Variants in IL16 observed in about 807,000 individuals in gnomAD.
The protein encoded by IL16 is interleukin 16, also known as pro-interleukin-16.
Under a neutral mutation model 110.1 loss-of-function variants are expected in IL16, and 67 were observed. That is an observed-to-expected ratio of 0.61 (90% CI 0.50 to 0.75). The LOEUF is 0.75. Among genes scored for constraint, IL16 ranks in the 30% least tolerant of loss-of-function variants. IL16 has a pLI of 0.00. For missense variants in IL16, 1,545 were observed against 1,655.0 expected (o/e 0.93, Z 1.15); for synonymous variants, 689 against 662.9 (o/e 1.04, Z -0.61).
intron 9 of IL16, among the ~76,000 whole-genome samples, chr15:81,285,080 CT>C (rs1210154649): frequency 0.012 from 1,718 of 145,392 alleles, 14 homozygotes; most frequent in Middle Eastern, 0.014. Flanking sequence ...TGTTTCCTAC[CT>C]TTTTTTTTTT....
At chr15:81,271,292 TAATAA>T (rs1280976765) in intron 5 of IL16, among the ~76,000 whole-genome samples, 30 of 150,214 alleles carry the variant, frequency 2.0e-4, no homozygotes, top group African/African-American at 7.1e-4. Flanking sequence ...TAAAATAAAA[TAATAA>T]AATAAATAAA....
chr15:81,299,469 G>C lies in IL16; in HGVS notation c.2143G>C (p.Val715Leu), dbSNP rs1900152682. The C allele has an allele frequency of 6.2e-7, 1 of 1,614,070 alleles. No individual in the cohort carries two copies. The highest frequency in any genetic ancestry group is 8.5e-7 in the Non-Finnish European group (1 of 1,180,044). ...SFDTTAEDPW[V>L]RISDCIKNLF... is the part of the protein sequence containing the mutation. Reference sequence around the variant, plus strand: ...TGATACCACAGCCGAAGACCCTTGGGTTAGGATTTCTGACTGCATCAAAAA... The same window carrying C: ...TGATACCACAGCCGAAGACCCTTGGCTTAGGATTTCTGACTGCATCAAAAA... Residue 715 changes from valine to leucine, a missense_variant, in exon 14 of 19, where the codon GTT (valine) becomes CTT (leucine). Around this residue, in one of 3 missense-constraint regions of IL16, gnomAD observed 1,185 missense variants for 1,238.8 expected, o/e 0.96. Coordinates refer to ENST00000683961, the MANE Select transcript of IL16 (RefSeq NM_172217.5).
chr15:81,295,236 C>A, intron 12 of IL16: 1 of 339,380 alleles, frequency 2.9e-6, no homozygotes, highest in Non-Finnish European at 4.6e-6. Flanking sequence ...CTCTCTCCCT[C>A]TTTCCTTCTT....
At chr15:81,286,439 G>A (rs573173722) in intron 10 of IL16, among the ~76,000 whole-genome samples, 47 of 152,350 alleles carry the variant, frequency 3.1e-4, no homozygotes, top group African/African-American at 9.9e-4. Flanking sequence ...CATGGAAGGA[G>A]AGGAGTGGGT....
intron 5 of IL16, among the ~76,000 whole-genome samples, chr15:81,272,642 A>G (rs954035550): frequency 2.0e-5 from 3 of 152,098 alleles, no homozygotes; most frequent in Non-Finnish European, 4.4e-5. Context: ...TATTATTACT[A>G]TTGTTGGTAT....
chr15:81,278,712 A>G (rs998158818), intron 6 of IL16, 105 bp from the exon 7 acceptor site: 2 of 796,514 alleles, frequency 2.5e-6, no homozygotes, highest in African/African-American at 1.7e-5. Flanking sequence ...AGCTTCGTGC[A>G]TCATACAAAA....
chr15:81,270,962 C>T (rs181110781), intron 5 of IL16, among the ~76,000 whole-genome samples: 1 of 152,194 alleles, frequency 6.6e-6, no homozygotes, highest in East Asian at 1.9e-4. Context: ...TGACAAGTAG[C>T]AGTGAAGCAG....
intron 3 of IL16, among the ~76,000 whole-genome samples, chr15:81,262,761 G>A (rs573218333): frequency 9.9e-5 from 15 of 152,184 alleles, no homozygotes; most frequent in African/African-American, 3.6e-4. Context: ...GAGAAACCCT[G>A]TCTCTACTAA....
intron 5 of IL16, among the ~76,000 whole-genome samples, chr15:81,271,297 A>G (rs1015532194): frequency 6.6e-6 from 1 of 150,438 alleles, no homozygotes; most frequent in Non-Finnish European, 1.5e-5. Context: ...TAAAATAATA[A>G]AATAAATAAA....
Position 81,292,662 on chromosome 15 carries a change from C to T in IL16, c.1527C>T (p.Arg509=), listed in dbSNP as rs749364955. The T allele has an allele frequency of 6.2e-7, 1 of 1,614,144 alleles. No individual in the cohort carries two copies. The highest frequency in any genetic ancestry group is 1.7e-5 in the Admixed American group (1 of 60,024). ...PHRRAQKVMI[R]SSSDSSYMSG... ...GCAGGGCTCAGAAGGTCATGATCCGCTCCAGCAGTGACAGCAGCTACATGT... is the reference window on the plus strand; with the variant it reads ...GCAGGGCTCAGAAGGTCATGATCCGTTCCAGCAGTGACAGCAGCTACATGT... Residue 509 remains arginine, a synonymous_variant, in exon 12 of 19, where the codon CGC becomes CGT. Transcript: ENST00000683961.
At chr15:81,239,771 CTTTGTTTG>C (rs71153570) in intron 2 of IL16, among the ~76,000 whole-genome samples, 19 of 150,654 alleles carry the variant, frequency 1.3e-4, no homozygotes, top group Non-Finnish European at 1.5e-4. Context: ...ACAGGCTTGT[CTTTGTTTG>C]TTTGTTTGTT....
In IL16 at chr15:81,308,689, G is replaced by T. The variant is rs141398299; in HGVS notation, c.3890G>T (p.Arg1297Leu). ...GGCACTGCCATGCAGGGCCTCACACGGTTTGAAGCCTGGAACATCATCAAG... is the reference window on the plus strand; with the variant it reads ...GGCACTGCCATGCAGGGCCTCACACTGTTTGAAGCCTGGAACATCATCAAG... ...LGGTAMQGLTRFEAWNIIKAL... is the reference protein window; with the variant it reads ...LGGTAMQGLTLFEAWNIIKAL... Residue 1297 changes from arginine (R) to leucine (L), a missense_variant, in exon 19 of 19, where the codon CGG becomes CTG. Arg to Leu is a moderately radical substitution (Grantham distance 102). This residue lies in a region of IL16 where 356 missense variants were observed against 399.3 expected (regional missense o/e 0.89). Transcript: ENST00000683961. 6.2e-7 allele frequency: 1 copy of T among 1,613,550 alleles called. No homozygotes were observed. Among genetic ancestry groups the T allele is most frequent in the Non-Finnish European group, 8.5e-7 (1 of 1,179,600 alleles).
chr15:81,184,742 G>A (rs1166069730), intron 1 of IL16, among the ~76,000 whole-genome samples: 1 of 152,240 alleles, frequency 6.6e-6, no homozygotes, highest in African/African-American at 2.4e-5. Context: ...AGGGACACCT[G>A]TCCAGTTAAA....
At chr15:81,259,076 A>G (rs1898059480) in intron 2 of IL16, among the ~76,000 whole-genome samples, 1 of 152,248 alleles carries the variant, frequency 6.6e-6, no homozygotes, top group South Asian at 2.1e-4. Flanking sequence ...AGGATAAGAG[A>G]ACCATAAGCA....
In IL16 at chr15:81,288,726, C is replaced by T. The variant is rs577523642; in HGVS notation, c.1333-1727C>T. ...TCATATAAAATGGGTCCTTTTGTGT[C>T]TGCCTTATTTGACTTCGCGTAATGT... is the stretch of plus-strand genomic sequence containing the variant. On this transcript the variant is annotated intron_variant, in intron 10 of 18. Transcript: ENST00000683961. Among the ~76,000 whole-genome samples, 331 of 152,220 alleles carry T rather than the reference C, an allele frequency of 2.2e-3. 1 individual carries two copies. Among genetic ancestry groups the T allele is most frequent in the African/African-American group, 7.6e-3 (314 of 41,524 alleles).
At chr15:81,231,492 C>T (rs1239569628) in intron 2 of IL16, among the ~76,000 whole-genome samples, 1 of 152,148 alleles carries the variant, frequency 6.6e-6, no homozygotes, top group Admixed American at 6.5e-5. Context: ...CCCCTTTCAG[C>T]CTCCTGAGTA....
chr15:81,268,075 CA>C, intron 4 of IL16, among the ~76,000 whole-genome samples: 1 of 152,264 alleles, frequency 6.6e-6, no homozygotes, highest in East Asian at 1.9e-4. Context: ...AGGGAGTTAT[CA>C]GAGGAAGGTT....
chr15:81,293,555 G>T (rs776488605), intron 12 of IL16, among the ~76,000 whole-genome samples: 1 of 152,180 alleles, frequency 6.6e-6, no homozygotes, highest in Non-Finnish European at 1.5e-5. Flanking sequence ...ACAAAAATTA[G>T]CCGGGTATGG....
chr15:81,313,603 C>T lies in IL16; in HGVS notation c.*4805C>T, dbSNP rs551379014. On this transcript the variant is annotated 3_prime_UTR_variant, in exon 19 of 19. Coordinates refer to ENST00000683961, the MANE Select transcript of IL16 (RefSeq NM_172217.5). ...ATGGAAACCCATCCTGTCGGGGATG[C>T]ATTCCACAGCCTCTCCCGGCCTCCA... 4.7e-5 allele frequency: 19 copies of T among 400,258 alleles called. No individual in the cohort carries two copies. The highest frequency in any genetic ancestry group is 3.3e-4 in the African/African-American group (16 of 48,514). The allele number at this position is 400,258 out of a possible 1,614,324, so 24.8% of individuals were successfully genotyped here.
Sources: gnomAD v4.1 joint callset for allele counts (sites outside exome capture counted in the v4.1 genomes callset) on GRCh38, gnomAD v4.1.1 for gene constraint, gnomAD v4.1.1 regional missense constraint, MANE v1.5 for transcripts, NCBI Gene and HGNC (gene_info 2026-07-23, HGNC 2026-07-21) for gene names.